Variants in TEX9 observed in about 807,000 individuals in gnomAD.
The protein encoded by TEX9 is testis expressed 9, also known as testis-expressed protein 9.
Under a neutral mutation model 59.6 loss-of-function variants are expected in TEX9, and 74 were observed. The ratio of observed to expected loss-of-function variants is 1.24; its 90% CI spans 1.03 to 1.51. The LOEUF (loss-of-function observed/expected upper bound fraction) is 1.51. Among genes scored for constraint, TEX9 ranks in the 40% most tolerant of loss-of-function variants. The pLI is 0.00. For synonymous variants in TEX9, 186 were observed against 152.2 expected, an observed-to-expected ratio of 1.22 and a Z score of -1.64; for missense variants, 522 against 447.8, an observed-to-expected ratio of 1.17 and a Z score of -1.49.
chr15:56,381,844 A>G (rs2047741509), intron 3 of TEX9, among the ~76,000 whole-genome samples: 1 of 152,198 alleles, frequency 6.6e-6, no homozygotes, highest in Non-Finnish European at 1.5e-5. Flanking sequence ...ACAACCTGCT[A>G]TAAACACTAC....
chr15:56,437,804 C>T (rs1241479635), intron 12 of TEX9, among the ~76,000 whole-genome samples: 2 of 152,144 alleles, frequency 1.3e-5, no homozygotes, highest in Admixed American at 6.5e-5. Flanking sequence ...AAATCACAAG[C>T]ATTCTTATAC....
At chr15:56,337,079 C>G (rs183237564) in intron 1 of TEX9, among the ~76,000 whole-genome samples, 52 of 152,270 alleles carry the variant, frequency 3.4e-4, no homozygotes, top group African/African-American at 1.1e-3. Flanking sequence ...AGATAACTTA[C>G]CCTGGATTCT....
chr15:56,277,832 A>G (rs778517872), intron 1 of TEX9, among the ~76,000 whole-genome samples: 31 of 152,246 alleles, frequency 2.0e-4, no homozygotes, highest in Middle Eastern at 3.2e-3. Flanking sequence ...AGATGACTGT[A>G]TTCCTCCAAA....
chr15:56,281,306 G>A (rs1182330063), intron 1 of TEX9, among the ~76,000 whole-genome samples: 1 of 152,246 alleles, frequency 6.6e-6, no homozygotes, highest in East Asian at 1.9e-4. Context: ...TAACCCCCAG[G>A]CTGCAGACGG....
intron 1 of TEX9, among the ~76,000 whole-genome samples, chr15:56,341,023 C>G (rs767221282): frequency 2.1e-4 from 32 of 152,066 alleles, no homozygotes; most frequent in Non-Finnish European, 3.2e-4. Flanking sequence ...GTATTACTCC[C>G]ATCTTGGGGC....
intron 7 of TEX9, 162 bp from the exon 8 acceptor site, chr15:56,394,003 T>G (rs1364053667): frequency 2.0e-6 from 1 of 504,826 alleles, no homozygotes; most frequent in African/African-American, 2.0e-5. Context: ...CATTGACCTT[T>G]TCATTAGGAC....
intron 12 of TEX9, chr15:56,443,894 A>G: frequency 7.2e-7 from 1 of 1,384,208 alleles, no homozygotes. Context: ...AGTAAACAAT[A>G]AAATATAAAA....
intron 1 of TEX9, among the ~76,000 whole-genome samples, chr15:56,357,631 A>C (rs2046708636): frequency 6.6e-6 from 1 of 151,986 alleles, no homozygotes; most frequent in Non-Finnish European, 1.5e-5. Context: ...ATTCTGAATA[A>C]TTTTTTCAGA....
chr15:56,400,715 A>G (rs1290345123), intron 9 of TEX9, among the ~76,000 whole-genome samples: 2 of 152,204 alleles, frequency 1.3e-5, no homozygotes, highest in South Asian at 2.1e-4. Context: ...GAAGGAAAAA[A>G]TGTTAAGGGC....
intron 12 of TEX9, chr15:56,434,273 A>C: frequency 1.9e-6 from 3 of 1,613,950 alleles, no homozygotes; most frequent in Non-Finnish European, 2.5e-6. Flanking sequence ...TAGCTAGCAT[A>C]GTTTTTCTAA....
chr15:56,388,512 G>A lies in TEX9; in HGVS notation c.304G>A (p.Glu102Lys). ...TGAAGGGATAGTTCATCTTCATTCA[G>A]AAACTAAGGTATGAAATCAAACTTT... is the stretch of plus-strand genomic sequence containing the variant. Residue 102 changes from glutamate (E) to lysine (K), a missense_variant, in exon 5 of 13, where the codon GAA becomes AAA. Physicochemically the swap from Glu to Lys is moderately conservative, Grantham distance 56 (BLOSUM62 1). Coordinates refer to ENST00000352903, the Ensembl canonical transcript of TEX9. The A allele has an allele frequency of 6.2e-7, 1 of 1,611,374 alleles. No individual in the cohort carries two copies. Among genetic ancestry groups the A allele is most frequent in the Non-Finnish European group, 8.5e-7 (1 of 1,178,270 alleles).
chr15:56,321,455 C>T (rs1433759154), intron 1 of TEX9, among the ~76,000 whole-genome samples: 20 of 152,170 alleles, frequency 1.3e-4, no homozygotes. Context: ...AATTCAACAA[C>T]AGTTATTCAG....
chr15:56,412,279 C>A, intron 9 of TEX9, 23 bp from the exon 10 acceptor site: 1 of 1,576,328 alleles, frequency 6.3e-7, no homozygotes, highest in South Asian at 1.2e-5. Context: ...TATAAATGTT[C>A]CATAATCTTT....
chr15:56,369,384 C>T (rs1229051097), intron 2 of TEX9, among the ~76,000 whole-genome samples: 1 of 149,766 alleles, frequency 6.7e-6, no homozygotes, highest in East Asian at 1.9e-4. Context: ...GACAGGGTCT[C>T]ACCCTGTTGC....
chr15:56,256,597 A>G (rs1394882459), intron 1 of TEX9, among the ~76,000 whole-genome samples: 1 of 151,964 alleles, frequency 6.6e-6, no homozygotes, highest in Non-Finnish European at 1.5e-5. Flanking sequence ...AAACTAAGAG[A>G]TGATTTTTTG....
At chr15:56,314,022 C>T (rs200560270) in intron 1 of TEX9, among the ~76,000 whole-genome samples, 52,994 of 59,700 alleles carry the variant, frequency 0.89, 24,473 homozygotes, top group East Asian at 1. Flanking sequence ...TTATTGCGTC[C>T]ATTTGATTCT....
At chr15:56,457,111 A>G in the TEX9 span, among the ~76,000 whole-genome samples, 2 of 152,156 alleles carry the variant, frequency 1.3e-5, no homozygotes, top group Non-Finnish European at 2.9e-5. Context: ...AGTCTCTTAT[A>G]TATTCTGTAA....
intron 1 of TEX9, among the ~76,000 whole-genome samples, chr15:56,313,632 T>A (rs1157696525): frequency 7.5e-6 from 1 of 134,028 alleles, no homozygotes; most frequent in Non-Finnish European, 1.6e-5. Context: ...TGTCTCTGCC[T>A]GGCTTTGGTA....
intron 1 of TEX9, among the ~76,000 whole-genome samples, chr15:56,326,145 C>T (rs1471219518): frequency 6.6e-6 from 1 of 152,198 alleles, no homozygotes; most frequent in Non-Finnish European, 1.5e-5. Flanking sequence ...TCTTTTCCCA[C>T]AAGAAATTTA....
Sources: gnomAD v4.1 joint callset for allele counts (sites outside exome capture counted in the v4.1 genomes callset) on GRCh38, gnomAD v4.1.1 for gene constraint, MANE v1.5 for transcripts, NCBI Gene and HGNC (gene_info 2026-07-23, HGNC 2026-07-21) for gene names.